SLC35F5: variants seen among roughly 807,000 people sequenced by gnomAD.
The protein encoded by SLC35F5 is HCV NS5A-transactivated protein 3.
In SLC35F5, 54 loss-of-function variants were observed where a neutral mutation model predicts 68.6. That is an observed-to-expected ratio of 0.79 (90% CI 0.63 to 0.99). SLC35F5 has a LOEUF of 0.99. Ranked by LOEUF, SLC35F5 falls within the 50% of genes least tolerant of loss-of-function variation. The pLI is 0.00. For missense variants in SLC35F5, 567 were observed against 626.9 expected, an observed-to-expected ratio of 0.90 and a Z score of 1.02; for synonymous variants, 211 against 205.2, an observed-to-expected ratio of 1.03 and a Z score of -0.24.
chr2:113,754,062 C>T (rs959606227), intron 3 of SLC35F5, among the ~76,000 whole-genome samples: 10 of 151,926 alleles, frequency 6.6e-5, no homozygotes, highest in African/African-American at 1.2e-4. Flanking sequence ...GAGGCCGAGG[C>T]GGGCGGATCA....
downstream of SLC35F5, chr2:113,704,186 G>C (rs957123830): frequency 8.5e-5 from 13 of 152,436 alleles, 1 homozygote; most frequent in Middle Eastern, 0.017. Flanking sequence ...CTGGGGGCTC[G>C]GGCAGCCCGC....
At chr2:113,736,231 C>T (rs1383849491) in intron 7 of SLC35F5, among the ~76,000 whole-genome samples, 2 of 150,970 alleles carry the variant, frequency 1.3e-5, no homozygotes, top group Non-Finnish European at 3.0e-5. Flanking sequence ...ATTGCTTGAG[C>T]CCAGAAAGAC....
intron 7 of SLC35F5, 83 bp downstream of exon 7, chr2:113,742,609 T>G (rs1203962231): frequency 2.6e-5 from 36 of 1,375,880 alleles, no homozygotes; most frequent in Admixed American, 5.4e-5. Flanking sequence ...TGTCTCACAC[T>G]TCAATCCTAT....
chr2:113,716,692 T>C (rs1036550998), intron 15 of SLC35F5, among the ~76,000 whole-genome samples: 3 of 152,042 alleles, frequency 2.0e-5, no homozygotes, highest in Non-Finnish European at 4.4e-5. Flanking sequence ...AAGAATCAGC[T>C]AAGAGTTTAA....
chr2:113,740,055 C>T (rs59382196), intron 7 of SLC35F5, among the ~76,000 whole-genome samples: 3 of 152,266 alleles, frequency 2.0e-5, no homozygotes, highest in East Asian at 3.9e-4. Flanking sequence ...AGGGATTGGT[C>T]TTGCTGTTTT....
intron 15 of SLC35F5, among the ~76,000 whole-genome samples, 182 bp from the exon 16 acceptor site, chr2:113,715,377 C>T (rs1316218900): frequency 6.6e-6 from 1 of 152,130 alleles, no homozygotes; most frequent in Non-Finnish European, 1.5e-5. Flanking sequence ...ACTTCTATAG[C>T]AATGTCAAAA....
Position 113,711,916 on chromosome 2 carries a change from C to T in SLC35F5, c.*3302G>A, listed in dbSNP as rs893723406. ...CTTCTTTAAAAACATTTTATTTCTT[C>T]AACCAGCACACTGAGGATTAGTGCT... is the stretch of plus-strand genomic sequence containing the variant. On this transcript the variant is annotated 3_prime_UTR_variant, in exon 16 of 16. Transcript: ENST00000245680. 4.6e-5 allele frequency among the ~76,000 whole-genome samples: 7 copies of T among 152,178 alleles called. No individual in the cohort carries two copies. Among genetic ancestry groups the T allele is most frequent in the Non-Finnish European group, 5.9e-5 (4 of 68,034 alleles).
intron 7 of SLC35F5, among the ~76,000 whole-genome samples, chr2:113,737,425 T>C (rs1386019564): frequency 2.6e-5 from 4 of 152,206 alleles, no homozygotes; most frequent in Admixed American, 1.3e-4. Context: ...GAGTTAACAA[T>C]TGATGGGCAA....
intron 12 of SLC35F5, among the ~76,000 whole-genome samples, chr2:113,723,505 G>T (rs1046086281): frequency 1.3e-5 from 2 of 151,982 alleles, no homozygotes; most frequent in South Asian, 2.1e-4. Flanking sequence ...AAAAACTGTT[G>T]AACAGTTATT....
Position 113,753,168 on chromosome 2 carries a change from C to CTTTTTTTTTTTTTTT in SLC35F5, c.273+1982_273+1996dup, listed in dbSNP as rs1173478465. On this transcript the variant is annotated intron_variant, in intron 3 of 15. Coordinates refer to ENST00000245680, the MANE Select transcript of SLC35F5 (RefSeq NM_025181.5). ...CACTTTATCTCCAAAGTTTGTTTTT[C>CTTTTTTTTTTTTTTT]TTTTTTTTTTTTTTTTTTTTTTTTT... Among the ~76,000 whole-genome samples the CTTTTTTTTTTTTTTT allele has an allele frequency of 6.1e-3, 297 of 49,074 alleles. 99 individuals carry two copies. Among genetic ancestry groups the CTTTTTTTTTTTTTTT allele is most frequent in the Non-Finnish European group, 7.6e-3 (216 of 28,290 alleles). The allele number at this position is 49,074 out of a possible 152,430, so 32.2% of individuals were successfully genotyped here. A position where few individuals can be genotyped will look rare whatever the true frequency, so the allele number is the denominator to read the frequency against.
At chr2:113,704,998 G>C (rs2104941563), downstream of SLC35F5, 1 of 152,306 alleles carries the variant, frequency 6.6e-6, no homozygotes, top group East Asian at 1.9e-4. Context: ...ATTAATTGTT[G>C]GCCAATATTG....
rs137970269 is a variant in SLC35F5, at chr2:113,711,329, G to A, written c.*3889C>T. Among the ~76,000 whole-genome samples the A allele has an allele frequency of 3.5e-3, 538 of 152,084 alleles. 3 individuals are homozygous for A. Among genetic ancestry groups the A allele is most frequent in the Non-Finnish European group, 3.9e-3 (267 of 67,986 alleles). On this transcript the variant is annotated 3_prime_UTR_variant, in exon 16 of 16. Coordinates refer to ENST00000245680, the MANE Select transcript of SLC35F5 (RefSeq NM_025181.5). The stretch of plus-strand genomic sequence containing the variant: ...ATTGTTTGACATTTTCATAGTTAAC[G>A]TATACTGAATACAGAAAATTTTGTA...
chr2:113,746,200 C>A, intron 5 of SLC35F5, 77 bp downstream of exon 5: 1 of 1,034,278 alleles, frequency 9.7e-7, no homozygotes, highest in Non-Finnish European at 1.5e-6. Flanking sequence ...AGCTTTGCTG[C>A]CATCAAACCT....
rs116589838 is a variant in SLC35F5, at chr2:113,744,893, T to G, written c.481-1099A>C. On this transcript the variant is annotated intron_variant, in intron 5 of 15. Transcript: ENST00000245680. ...TTTAGGTAGTTATAAATTCCTCAAC[T>G]GTTTTTGCAAATGTTCTTCAGATGA... Among the ~76,000 whole-genome samples the G allele has an allele frequency of 9.5e-3, 1,449 of 152,310 alleles. 29 individuals carry two copies. Among genetic ancestry groups the G allele is most frequent in the African/African-American group, 0.032 (1,332 of 41,554 alleles).
chr2:113,753,691 C>T (rs1248108720), intron 3 of SLC35F5, among the ~76,000 whole-genome samples: 1 of 152,106 alleles, frequency 6.6e-6, no homozygotes, highest in Non-Finnish European at 1.5e-5. Flanking sequence ...TATATGTATA[C>T]ATTGTGAAAT....
chr2:113,718,516 T>C (rs1471842425), intron 14 of SLC35F5, among the ~76,000 whole-genome samples: 1 of 152,218 alleles, frequency 6.6e-6, no homozygotes, highest in Admixed American at 6.5e-5. Flanking sequence ...AGTAAACCTT[T>C]TGGTATTACC....
downstream of SLC35F5, among the ~76,000 whole-genome samples, chr2:113,706,086 T>C (rs1433533490): frequency 6.6e-6 from 1 of 152,124 alleles, no homozygotes; most frequent in Non-Finnish European, 1.5e-5. Context: ...GATTCTACTG[T>C]TGAAAGTAAG....
At chr2:113,755,853 A>T in intron 1 of SLC35F5, 1 of 1,550,190 alleles carries the variant, frequency 6.5e-7, no homozygotes. Context: ...AACTCCATTC[A>T]CCTCTCCATC....
intron 4 of SLC35F5, among the ~76,000 whole-genome samples, chr2:113,749,720 TG>T (rs1309448633): frequency 1.3e-5 from 2 of 152,200 alleles, no homozygotes; most frequent in Admixed American, 6.5e-5. Context: ...CTGGAGCTGA[TG>T]GTTATAGAGC....
Sources: gnomAD v4.1 joint callset for allele counts (sites outside exome capture counted in the v4.1 genomes callset) on GRCh38, gnomAD v4.1.1 for gene constraint, MANE v1.5 for transcripts, NCBI Gene and HGNC (gene_info 2026-07-23, HGNC 2026-07-21) for gene names.